The following GAREM1 variants were observed in gnomAD, a reference collection of about 807,000 sequenced individuals.
GAREM1 encodes the protein GRB2-associated and regulator of MAPK protein 1.
Under a neutral mutation model 71.3 loss-of-function variants are expected in GAREM1, and 26 were observed. The ratio of observed to expected loss-of-function variants is 0.36; its 90% confidence interval spans 0.27 to 0.51. The LOEUF is 0.51. GAREM1 is among the 20% of genes least tolerant of loss of function. The pLI, the probability that GAREM1 is intolerant of heterozygous loss-of-function variation, is 0.95. For synonymous variants in GAREM1, 440 were observed against 433.2 expected, an observed-to-expected ratio of 1.02 and a Z score of -0.20; for missense variants, 1,026 against 1,103.1, an observed-to-expected ratio of 0.93 and a Z score of 0.99.
chr18:32,374,885 G>A (rs2048017871), intron 2 of GAREM1, among the ~76,000 whole-genome samples: 1 of 152,162 alleles, frequency 6.6e-6, no homozygotes, highest in African/African-American at 2.4e-5. Flanking sequence ...CTTATATACT[G>A]AAGTGCAGAC....
At chr18:32,307,457 C>G (rs911750664) in intron 3 of GAREM1, among the ~76,000 whole-genome samples, 2 of 152,038 alleles carry the variant, frequency 1.3e-5, no homozygotes, top group Non-Finnish European at 2.9e-5. Flanking sequence ...TGAGAATAAC[C>G]AAAATCCCAT....
At chr18:32,422,811 T>G (rs2048532485) in intron 1 of GAREM1, among the ~76,000 whole-genome samples, 1 of 152,192 alleles carries the variant, frequency 6.6e-6, no homozygotes, top group Non-Finnish European at 1.5e-5. Context: ...AAGAACAAAT[T>G]TGGAATCACA....
chr18:32,401,987 A>G (rs756972392), intron 1 of GAREM1, among the ~76,000 whole-genome samples: 9 of 152,200 alleles, frequency 5.9e-5, no homozygotes, highest in Non-Finnish European at 1.2e-4. Context: ...ATTTTAACTG[A>G]GCTGTGTGCC....
Position 32,287,210 on chromosome 18 carries a change from G to A in GAREM1, c.1387C>T (p.Pro463Ser). 1 of 1,614,238 alleles carries A rather than the reference G, an allele frequency of 6.2e-7. No homozygotes were observed. The highest frequency in any genetic ancestry group is 8.5e-7 in the Non-Finnish European group (1 of 1,180,040). Reference protein sequence around the residue: ...YEELWLEEGKPSHQPLTRSLS... With the variant: ...YEELWLEEGKSSHQPLTRSLS... ...GAGCGAGTGAGAGGCTGATGGCTGG[G>A]CTTGCCTTCCTCCAGCCACAGCTCT... Residue 463 changes from proline to serine, a missense_variant, in exon 4 of 6, where the codon CCC (proline) becomes TCC (serine). Around this residue, in one of 3 missense-constraint regions of GAREM1, gnomAD observed 636 missense variants for 631.2 expected, o/e 1.01. Transcript: ENST00000269209. The surrounding 1 kb of genome is among the most constrained non-coding windows in gnomAD (Gnocchi z 5.9).
intron 1 of GAREM1, among the ~76,000 whole-genome samples, chr18:32,438,624 C>T (rs1050668027): frequency 8.5e-5 from 13 of 152,252 alleles, no homozygotes; most frequent in African/African-American, 1.4e-4. Flanking sequence ...CACTTAAATA[C>T]GGAAGCAAGA....
chr18:32,388,737 C>T (rs1489921198), intron 2 of GAREM1, among the ~76,000 whole-genome samples: 5 of 152,074 alleles, frequency 3.3e-5, no homozygotes, highest in African/African-American at 1.2e-4. Context: ...AAGACAAAGA[C>T]GGCTGAGGAA....
intron 2 of GAREM1, among the ~76,000 whole-genome samples, chr18:32,336,205 C>T (rs938115245): frequency 2.0e-5 from 3 of 151,970 alleles, no homozygotes; most frequent in East Asian, 1.9e-4. Flanking sequence ...CCGAGACGGG[C>T]GGATCATGAG....
intron 1 of GAREM1, among the ~76,000 whole-genome samples, chr18:32,426,768 A>G (rs1462140608): frequency 6.6e-6 from 1 of 152,218 alleles, no homozygotes; most frequent in Non-Finnish European, 1.5e-5. Context: ...AAGTTTTTCA[A>G]CCATTTTTAT....
chr18:32,278,412 G>A (rs2144437650), intron 4 of GAREM1, among the ~76,000 whole-genome samples: 1 of 152,278 alleles, frequency 6.6e-6, no homozygotes, highest in South Asian at 2.1e-4. Context: ...GCATACTTAG[G>A]TGGTGTAAGG....
chr18:32,378,057 T>TGTGTGTGTGTGTGC (rs1293817110), intron 2 of GAREM1, among the ~76,000 whole-genome samples: 40 of 127,624 alleles, frequency 3.1e-4, no homozygotes, highest in African/African-American at 1.1e-3. Context: ...TGTGTGTGTG[T>TGTGTGTGTGTGTGC]GCGCGCGGGC....
At chr18:32,370,323 G>A (rs949757255) in intron 2 of GAREM1, among the ~76,000 whole-genome samples, 5 of 151,400 alleles carry the variant, frequency 3.3e-5, no homozygotes, top group Admixed American at 3.3e-4. Flanking sequence ...AGCTACCTGG[G>A]AGGCTGAGAA....
chr18:32,439,835 A>G (rs546942733), intron 1 of GAREM1, among the ~76,000 whole-genome samples: 59 of 152,264 alleles, frequency 3.9e-4, no homozygotes, highest in African/African-American at 1.2e-3. Flanking sequence ...ACTCTCTTAC[A>G]AAAACAGTCA....
At chr18:32,427,901 G>C (rs2048589620) in intron 1 of GAREM1, among the ~76,000 whole-genome samples, 1 of 151,582 alleles carries the variant, frequency 6.6e-6, no homozygotes, top group South Asian at 2.1e-4. Flanking sequence ...ACACACAATA[G>C]CATGAATAAA....
chr18:32,286,230 T>C (rs1203355192), intron 4 of GAREM1, among the ~76,000 whole-genome samples: 1 of 152,136 alleles, frequency 6.6e-6, no homozygotes, highest in African/African-American at 2.4e-5. Context: ...TAAACAGAAC[T>C]GTACCAAAAT....
chr18:32,420,366 A>G (rs188787434), intron 1 of GAREM1, among the ~76,000 whole-genome samples: 3,948 of 139,928 alleles, frequency 0.028, 59 homozygotes, highest in Non-Finnish European at 0.039. Flanking sequence ...TAAAAATAGG[A>G]AAAAAAAAAA....
At chr18:32,346,672 C>A (rs2047700174) in intron 2 of GAREM1, among the ~76,000 whole-genome samples, 1 of 152,164 alleles carries the variant, frequency 6.6e-6, no homozygotes, top group Non-Finnish European at 1.5e-5. Context: ...AGAAAAACAA[C>A]TGAATTACTA....
intron 2 of GAREM1, among the ~76,000 whole-genome samples, chr18:32,360,712 G>A (rs2047857488): frequency 6.6e-6 from 1 of 152,122 alleles, no homozygotes; most frequent in Non-Finnish European, 1.5e-5. Flanking sequence ...CCTCACTATA[G>A]CTCCATTCTG....
At chr18:32,365,956 A>G (rs1401284857) in intron 2 of GAREM1, among the ~76,000 whole-genome samples, 1 of 152,196 alleles carries the variant, frequency 6.6e-6, no homozygotes, top group Non-Finnish European at 1.5e-5. Flanking sequence ...AATATTGTTT[A>G]AAGTTCTTAG....
intron 1 of GAREM1, among the ~76,000 whole-genome samples, chr18:32,431,693 T>A (rs778056565): frequency 6.6e-6 from 1 of 152,100 alleles, no homozygotes; most frequent in Non-Finnish European, 1.5e-5. Context: ...AAGATATAAA[T>A]TTACAGACTC....
Sources: gnomAD v4.1 joint callset for allele counts (sites outside exome capture counted in the v4.1 genomes callset) on GRCh38, gnomAD v4.1.1 for gene constraint, gnomAD v4.1.1 regional missense constraint, Gnocchi (gnomAD v3.1) non-coding constraint, MANE v1.5 for transcripts, NCBI Gene and HGNC (gene_info 2026-07-23, HGNC 2026-07-21) for gene names.